Variants in EP400 observed in about 807,000 individuals in gnomAD.
The protein encoded by EP400 is E1A-binding protein p400.
EP400 carries 105 observed loss-of-function variants against 354.1 expected under a neutral mutation model. That is an observed-to-expected ratio of 0.30 (90% CI 0.25 to 0.35). The LOEUF (loss-of-function observed/expected upper bound fraction) is 0.35, where lower values mean the gene tolerates loss of function less well. Among genes scored for constraint, EP400 ranks in the 10% least tolerant of loss-of-function variants. The probability of loss-of-function intolerance (pLI) is 1.00; values close to 1 mark genes in which losing one functional copy is unlikely to be tolerated. For missense variants in EP400, 3,280 were observed against 4,121.0 expected, an observed-to-expected ratio of 0.80 and a Z score of 5.59; for synonymous variants, 1,646 against 1,716.9, an observed-to-expected ratio of 0.96 and a Z score of 1.02.
At position 131,994,773 on chromosome 12, in the gene EP400, A is replaced by G; in HGVS notation, c.2738-94A>G. On this transcript the variant is annotated intron_variant, in intron 11 of 52. Coordinates refer to ENST00000389561, the MANE Select transcript of EP400 (RefSeq NM_015409.5). This position sits in a 1 kb window ranked among gnomAD's most constrained non-coding sequence, Gnocchi z 4.6. The stretch of plus-strand genomic sequence containing the variant: ...CTCAGTTTCAATTTCTGTAATAGCT[A>G]TGCAAAATAATTTCGAAGCCTTATA... The G allele has an allele frequency of 2.0e-6, 2 of 993,758 alleles. No individual in the cohort carries two copies. Among genetic ancestry groups the G allele is most frequent in the Non-Finnish European group, 3.0e-6 (2 of 664,848 alleles). 61.6% of individuals were successfully genotyped at this position (993,758 alleles called of 1,614,324 possible). A position where few individuals can be genotyped will look rare whatever the true frequency, so the allele number is the denominator to read the frequency against.
chr12:132,044,026 C>A, intron 34 of EP400, 151 bp from the exon 35 acceptor site: 1 of 1,147,534 alleles, frequency 8.7e-7, no homozygotes, highest in Non-Finnish European at 1.2e-6. Context: ...GGATTTGCAG[C>A]AGGCTGCTGC....
At chr12:132,003,782 C>T (rs1260172732) in intron 12 of EP400, among the ~76,000 whole-genome samples, 3 of 152,214 alleles carry the variant, frequency 2.0e-5, no homozygotes, top group Non-Finnish European at 4.4e-5. Flanking sequence ...CTTACTTTCA[C>T]TGGGCTCCAT....
intron 12 of EP400, among the ~76,000 whole-genome samples, chr12:131,997,942 A>T (rs1446667048): frequency 6.6e-6 from 1 of 152,228 alleles, no homozygotes; most frequent in Non-Finnish European, 1.5e-5. Flanking sequence ...TCACAAAGAT[A>T]TATCATCTAA....
chr12:132,030,297 G>A (rs1894445999), intron 29 of EP400, 139 bp downstream of exon 29: 2 of 1,002,470 alleles, frequency 2.0e-6, no homozygotes, highest in Non-Finnish European at 2.9e-6. Context: ...ACTTTTTAAA[G>A]TCTCAATCCA....
At chr12:132,024,972 A>G (rs918798720) in intron 24 of EP400, among the ~76,000 whole-genome samples, 3 of 151,890 alleles carry the variant, frequency 2.0e-5, no homozygotes, top group African/African-American at 4.8e-5. Flanking sequence ...GGGTGAGCCC[A>G]CTGACCTCCT....
chr12:131,950,662 C>T (rs1029124713), intron 1 of EP400, among the ~76,000 whole-genome samples: 20 of 152,184 alleles, frequency 1.3e-4, no homozygotes, highest in African/African-American at 4.3e-4. Flanking sequence ...GCTGCCTCCC[C>T]GGGGGCGCCT....
rs1366297342 is a variant in EP400 at position 132,045,785 on chromosome 12, C to T, written c.7085C>T (p.Thr2362Ile). Residue 2362 changes from threonine to isoleucine, a missense_variant, in exon 39 of 53, where the codon ACA becomes ATA. By Grantham distance (89) the Thr-to-Ile change is moderately conservative. Coordinates refer to ENST00000389561, the MANE Select transcript of EP400 (RefSeq NM_015409.5). ...LNLTIVSPAH[T>I]PNWDLVSDVV... ...CTCACAATCGTGTCACCTGCTCACA[C>T]ACCTAATTGGGATCTTGTCAGTGAC... 6.2e-7 allele frequency: 1 copy of T among 1,614,162 alleles called. No homozygotes were observed. Among genetic ancestry groups the T allele is most frequent in the African/African-American group, 1.3e-5 (1 of 74,948 alleles).
At position 132,043,270 on chromosome 12, in the gene EP400, C is replaced by G. The variant is rs115169558; in HGVS notation, c.6208-34C>G. Reference sequence around the variant, plus strand: ...TTCAAACTACCCTCATTTAAAAAGTCTATCAAGGCAATCTAAACATAGACT... The same window carrying G: ...TTCAAACTACCCTCATTTAAAAAGTGTATCAAGGCAATCTAAACATAGACT... On this transcript the variant is annotated intron_variant, in intron 32 of 52. Coordinates refer to ENST00000389561, the MANE Select transcript of EP400 (RefSeq NM_015409.5). The G allele has an allele frequency of 2.4e-4, 378 of 1,588,164 alleles. 3 individuals carry two copies. The African/African-American group carries it at 4.3e-3, about 18-fold the overall frequency.
At chr12:132,045,169 C>T in intron 37 of EP400, 150 bp from the exon 38 acceptor site, 1 of 1,345,986 alleles carries the variant, frequency 7.4e-7, no homozygotes, top group East Asian at 2.4e-5. Context: ...ACCATGAAGG[C>T]CCGAAAGCAG....
intron 7 of EP400, among the ~76,000 whole-genome samples, chr12:131,988,816 T>C (rs1892942554): frequency 6.6e-6 from 1 of 152,160 alleles, no homozygotes; most frequent in Non-Finnish European, 1.5e-5. Flanking sequence ...TCATATTTTC[T>C]GTACTCTTAA....
intron 51 of EP400, among the ~76,000 whole-genome samples, chr12:132,072,245 G>A (rs1265119631): frequency 6.6e-6 from 1 of 152,188 alleles, no homozygotes; most frequent in African/African-American, 2.4e-5. Flanking sequence ...GCAGGTGTGT[G>A]CCACGATGCC....
chr12:132,076,451 A>G, intron 51 of EP400, 65 bp from the exon 52 acceptor site: 1 of 1,532,826 alleles, frequency 6.5e-7, no homozygotes, highest in Non-Finnish European at 9.0e-7. Context: ...GAAAGGGAGG[A>G]AAAATCTCTT....
intron 51 of EP400, among the ~76,000 whole-genome samples, chr12:132,073,007 T>C (rs1486122011): frequency 6.6e-6 from 1 of 152,204 alleles, no homozygotes; most frequent in Admixed American, 6.5e-5. Flanking sequence ...ATTCTCTGTG[T>C]GTCCCTCGTC....
chr12:132,063,155 T>G (rs1895764120), intron 47 of EP400, among the ~76,000 whole-genome samples: 1 of 152,244 alleles, frequency 6.6e-6, no homozygotes, highest in South Asian at 2.1e-4. Context: ...AGTACTGATG[T>G]ACCTGATTTT....
intron 19 of EP400, among the ~76,000 whole-genome samples, chr12:132,015,094 A>C (rs926810971): frequency 6.6e-6 from 1 of 152,192 alleles, no homozygotes; most frequent in Non-Finnish European, 1.5e-5. Flanking sequence ...GAGCCTGGGC[A>C]CCCTCGAGAG....
chr12:131,991,393 C>T lies in EP400; in HGVS notation c.2630-14C>T, dbSNP rs1453537655. 14 of 1,613,644 alleles carry T rather than the reference C, an allele frequency of 8.7e-6. No individual in the cohort carries two copies. The highest frequency in any genetic ancestry group is 1.2e-5 in the Non-Finnish European group (14 of 1,179,836). ...GGGGGCCTTGGGAACGAACTGTGCT[C>T]CTTGTCTCTCTAGGGAAAGAATTGA... On this transcript the variant is annotated splice_polypyrimidine_tract_variant and intron_variant, in intron 9 of 52. Transcript: ENST00000389561.
In EP400 at chr12:132,006,161, C is replaced by G; in HGVS notation, c.2985C>G (p.Leu995=). 4 of 1,614,216 alleles carry G rather than the reference C, an allele frequency of 2.5e-6. No homozygotes were observed. Among genetic ancestry groups the G allele is most frequent in the Non-Finnish European group, 3.4e-6 (4 of 1,180,048 alleles). Residue 995 remains leucine (L), a synonymous_variant, in exon 14 of 53, where the codon CTC becomes CTG. Coordinates refer to ENST00000389561, the MANE Select transcript of EP400 (RefSeq NM_015409.5). ...GGGAGAGTCGCAAGGACTTGGTTCT[C>G]ATCGACTCGCTTTTCATCATGGATC... ...GDRESRKDLV[L]IDSLFIMDQF...
At chr12:132,009,692 G>C (rs562098903) in intron 15 of EP400, among the ~76,000 whole-genome samples, 36 of 152,282 alleles carry the variant, frequency 2.4e-4, no homozygotes, top group African/African-American at 8.7e-4. Context: ...TGTTGGTACA[G>C]GTGTCTGCTC....
chr12:132,025,612 C>A lies in EP400; in HGVS notation c.4856-34C>A. ...GTGTGTGGCTGTGATGTACACATGC[C>A]TGTCATTGACACCTAGTGGACCTAT... On this transcript the variant is annotated intron_variant, in intron 24 of 52. Coordinates refer to ENST00000389561, the MANE Select transcript of EP400 (RefSeq NM_015409.5). The surrounding 1 kb of genome is among the most constrained non-coding windows in gnomAD (Gnocchi z 4.1). 1.3e-6 allele frequency: 2 copies of A among 1,556,816 alleles called. No individual in the cohort carries two copies. The highest frequency in any genetic ancestry group is 1.7e-6 in the Non-Finnish European group (2 of 1,150,674).
Sources: gnomAD v4.1 joint callset for allele counts (sites outside exome capture counted in the v4.1 genomes callset) on GRCh38, gnomAD v4.1.1 for gene constraint, Gnocchi (gnomAD v3.1) non-coding constraint, MANE v1.5 for transcripts, NCBI Gene and HGNC (gene_info 2026-07-23, HGNC 2026-07-21) for gene names.